Variants in ITGA9 observed in about 807,000 individuals in gnomAD.
The protein encoded by ITGA9 is integrin alpha-9.
A neutral mutation model predicts 127.8 loss-of-function variants in ITGA9; 56 were observed. The ratio of observed to expected loss-of-function variants is 0.44; its 90% CI spans 0.35 to 0.55. ITGA9 has a LOEUF of 0.55. Ranked by LOEUF, ITGA9 falls within the 20% of genes least tolerant of loss-of-function variation. The pLI, the probability that ITGA9 is intolerant of heterozygous loss-of-function variation, is 0.00. For missense variants in ITGA9, 1,196 were observed against 1,347.1 expected (o/e 0.89, Z 1.76); for synonymous variants, 508 against 514.5 (o/e 0.99, Z 0.17).
intron 23 of ITGA9, among the ~76,000 whole-genome samples, chr3:37,755,068 C>A (rs968923294): frequency 2.0e-5 from 3 of 152,042 alleles, no homozygotes; most frequent in African/African-American, 7.2e-5. Flanking sequence ...CTGACCCCCC[C>A]AAAAAAATGA....
chr3:37,786,037 G>A (rs1018582767), intron 26 of ITGA9, among the ~76,000 whole-genome samples: 1 of 135,866 alleles, frequency 7.4e-6, no homozygotes, highest in Non-Finnish European at 1.6e-5. Context: ...GTTGAGGGGG[G>A]TTCATCCTGT....
chr3:37,543,253 G>C (rs1699293373), intron 15 of ITGA9, among the ~76,000 whole-genome samples: 1 of 152,198 alleles, frequency 6.6e-6, no homozygotes, highest in African/African-American at 2.4e-5. Context: ...TGATGCTGCA[G>C]GAATGGCCAG....
intron 23 of ITGA9, among the ~76,000 whole-genome samples, chr3:37,766,745 A>T (rs1228166853): frequency 1.3e-5 from 2 of 152,206 alleles, no homozygotes; most frequent in South Asian, 2.1e-4. Flanking sequence ...ACCCAAATCA[A>T]CAGACCATTC....
At chr3:37,490,966 T>TTCCCCCC (rs1698664367) in intron 4 of ITGA9, among the ~76,000 whole-genome samples, 1 of 108,718 alleles carries the variant, frequency 9.2e-6, no homozygotes, top group African/African-American at 3.4e-5. Context: ...AGATTTGGCT[T>TTCCCCCC]CCCCCCCGCT....
At chr3:37,748,594 A>G in intron 22 of ITGA9, 1 of 474,468 alleles carries the variant, frequency 2.1e-6, no homozygotes, top group Admixed American at 3.3e-5. Flanking sequence ...CTAAAATACA[A>G]AAATTAGCCG....
chr3:37,489,051 C>T (rs990017691), intron 4 of ITGA9, among the ~76,000 whole-genome samples: 21 of 152,192 alleles, frequency 1.4e-4, no homozygotes, highest in African/African-American at 4.8e-4. Context: ...ACTCTAGACA[C>T]CTCATGTAAG....
At chr3:37,745,240 C>T (rs2125535094) in intron 22 of ITGA9, among the ~76,000 whole-genome samples, 1 of 152,294 alleles carries the variant, frequency 6.6e-6, no homozygotes, top group South Asian at 2.1e-4. Flanking sequence ...GAGTATTCTC[C>T]CAGCAACAGA....
At chr3:37,572,654 G>A (rs189057954) in intron 15 of ITGA9, among the ~76,000 whole-genome samples, 12 of 152,296 alleles carry the variant, frequency 7.9e-5, no homozygotes, top group South Asian at 2.1e-4. Context: ...ATCCAAAGAC[G>A]TCTCATACTG....
At chr3:37,778,346 C>T (rs377035712) in intron 24 of ITGA9, among the ~76,000 whole-genome samples, 3 of 152,052 alleles carry the variant, frequency 2.0e-5, no homozygotes, top group East Asian at 1.9e-4. Context: ...AGGCCGGGCA[C>T]GGTGGCTCAT....
chr3:37,568,069 G>A (rs111669443), intron 15 of ITGA9, among the ~76,000 whole-genome samples: 1,878 of 152,312 alleles, frequency 0.012, 34 homozygotes, highest in African/African-American at 0.039. Flanking sequence ...GAGGGCCCCC[G>A]TGAGGGCCCC....
intron 10 of ITGA9, 130 bp downstream of exon 10, chr3:37,517,739 G>A: frequency 2.7e-6 from 2 of 728,546 alleles, no homozygotes; most frequent in South Asian, 3.0e-5. Context: ...CCCTTCGAAG[G>A]CCCATCAATG....
In ITGA9 at chr3:37,822,019, A is replaced by C. The variant is rs1348043504; in HGVS notation, c.*3030A>C. 10 of 152,074 alleles carry C rather than the reference A, an allele frequency of 6.6e-5. No individual in the cohort carries two copies. Among genetic ancestry groups the C allele is most frequent in the African/African-American group, 2.2e-4 (9 of 41,396 alleles). The allele number at this position is 152,074 out of a possible 1,614,324, so 9.4% of individuals were successfully genotyped here. A position where few individuals can be genotyped will look rare whatever the true frequency, so the allele number is the denominator to read the frequency against. ...TTGGGCAGTTCACAAGCTCCTTCCC[A>C]GCTCAGAAGCCCTCTCTATGCTCTC... On this transcript the variant is annotated 3_prime_UTR_variant, in exon 28 of 28. Transcript: ENST00000264741.
At chr3:37,610,989 A>C (rs1388271597) in intron 15 of ITGA9, among the ~76,000 whole-genome samples, 2 of 152,206 alleles carry the variant, frequency 1.3e-5, no homozygotes, top group Non-Finnish European at 2.9e-5. Context: ...AAAAACAGTA[A>C]AGAGATGTGA....
At chr3:37,657,561 T>G (rs1279411145) in intron 17 of ITGA9, among the ~76,000 whole-genome samples, 1 of 152,002 alleles carries the variant, frequency 6.6e-6, no homozygotes, top group Non-Finnish European at 1.5e-5. Flanking sequence ...TTTTGTTGTT[T>G]CTGTTTGATT....
chr3:37,683,821 G>A (rs1183201996), intron 17 of ITGA9, 44 bp from the exon 18 acceptor site: 7 of 1,604,106 alleles, frequency 4.4e-6, no homozygotes, highest in Middle Eastern at 1.8e-4. Flanking sequence ...TGTTATATTA[G>A]TGTAGGCCTC....
intron 17 of ITGA9, among the ~76,000 whole-genome samples, chr3:37,675,327 G>T (rs146368385): frequency 6.6e-6 from 1 of 152,192 alleles, no homozygotes; most frequent in Non-Finnish European, 1.5e-5. Flanking sequence ...TTAAGTTCCA[G>T]GTGCTCAGGG....
intron 17 of ITGA9, among the ~76,000 whole-genome samples, chr3:37,670,116 T>G (rs1027503761): frequency 2.0e-5 from 3 of 151,858 alleles, no homozygotes; most frequent in Non-Finnish European, 4.4e-5. Context: ...TAAAACTTTT[T>G]TTTTTTTTTC....
Position 37,804,530 on chromosome 3 carries a change from C to T in ITGA9, c.3009+588C>T, listed in dbSNP as rs144060909. 1.3e-4 allele frequency among the ~76,000 whole-genome samples: 20 copies of T among 152,290 alleles called. No homozygotes were observed. In the East Asian group the frequency reaches 3.9e-3, roughly 29 times the overall value. On this transcript the variant is annotated intron_variant, in intron 27 of 27. Coordinates refer to ENST00000264741, the MANE Select transcript of ITGA9 (RefSeq NM_002207.3). The stretch of plus-strand genomic sequence containing the variant: ...CATGTCTAGGATGATTTGTTTGCCT[C>T]ACACTCTCCTTTCAGAGACCCGGAG...
At chr3:37,460,751 G>T (rs111560716) in intron 1 of ITGA9, among the ~76,000 whole-genome samples, 2 of 151,890 alleles carry the variant, frequency 1.3e-5, no homozygotes, top group African/African-American at 4.8e-5. Context: ...CACCACACCC[G>T]GCTAATTTTT....
Sources: gnomAD v4.1 joint callset for allele counts (sites outside exome capture counted in the v4.1 genomes callset) on GRCh38, gnomAD v4.1.1 for gene constraint, MANE v1.5 for transcripts, NCBI Gene and HGNC (gene_info 2026-07-23, HGNC 2026-07-21) for gene names.